SFMBT1: variants seen among roughly 807,000 people sequenced by gnomAD.
SFMBT1 encodes Scm like with four mbt domains 1.
In SFMBT1, 32 loss-of-function variants were observed where a neutral mutation model predicts 108.7. The observed-to-expected ratio is 0.29, with a 90% CI of 0.22 to 0.40. SFMBT1 has a LOEUF of 0.40. Ranked by LOEUF, SFMBT1 falls within the 10% of genes least tolerant of loss-of-function variation. The pLI is 1.00. For missense variants in SFMBT1, 816 were observed against 1,059.6 expected (o/e 0.77, Z 3.19); for synonymous variants, 348 against 369.5 (o/e 0.94, Z 0.67).
intron 6 of SFMBT1, among the ~76,000 whole-genome samples, chr3:52,931,646 A>C (rs780612927): frequency 7.2e-5 from 11 of 151,966 alleles, no homozygotes; most frequent in Non-Finnish European, 1.6e-4. Flanking sequence ...TCGAGACCAG[A>C]CTGGCCAACA....
chr3:52,972,089 T>C (rs752665820), intron 1 of SFMBT1, among the ~76,000 whole-genome samples: 15 of 152,254 alleles, frequency 9.9e-5, no homozygotes, highest in Non-Finnish European at 1.5e-4. Flanking sequence ...ATGGTTTTGA[T>C]AGAACGAAGT....
intron 1 of SFMBT1, among the ~76,000 whole-genome samples, chr3:53,018,507 A>C (rs751454316): frequency 2.0e-5 from 3 of 152,202 alleles, no homozygotes; most frequent in Non-Finnish European, 4.4e-5. Flanking sequence ...CCATAAGATC[A>C]GCACACAAAC....
chr3:52,962,451 A>T (rs1172105865), intron 2 of SFMBT1, among the ~76,000 whole-genome samples: 4 of 152,164 alleles, frequency 2.6e-5, no homozygotes, highest in African/African-American at 4.8e-5. Flanking sequence ...TCCAAAATAT[A>T]CTGTTAAGAG....
chr3:52,987,479 C>T (rs1001502667), intron 1 of SFMBT1, among the ~76,000 whole-genome samples: 1 of 152,134 alleles, frequency 6.6e-6, no homozygotes, highest in Non-Finnish European at 1.5e-5. Context: ...ATGGGACCAC[C>T]GTCATATATA....
At chr3:53,036,393 A>G (rs1699870833) in intron 1 of SFMBT1, among the ~76,000 whole-genome samples, 1 of 152,276 alleles carries the variant, frequency 6.6e-6, no homozygotes, top group South Asian at 2.1e-4. Flanking sequence ...CCAAGGAGTC[A>G]GAACTGTACG....
chr3:52,943,809 A>G (rs545827521), intron 3 of SFMBT1, among the ~76,000 whole-genome samples: 5 of 152,344 alleles, frequency 3.3e-5, no homozygotes, highest in East Asian at 3.9e-4. Context: ...AAGGAACTCA[A>G]TATTTTCACC....
At chr3:52,942,598 C>T (rs900041128) in intron 4 of SFMBT1, among the ~76,000 whole-genome samples, 5 of 152,144 alleles carry the variant, frequency 3.3e-5, no homozygotes, top group South Asian at 4.1e-4. Flanking sequence ...ATGCAACGGC[C>T]GCCTCCTGGG....
chr3:52,907,452 C>A, intron 18 of SFMBT1, 103 bp downstream of exon 18: 1 of 1,520,154 alleles, frequency 6.6e-7, no homozygotes, highest in South Asian at 1.3e-5. Flanking sequence ...CTTCTATTGG[C>A]CAGAGATCTG....
At chr3:52,921,108 AT>A (rs377341378) in intron 11 of SFMBT1, among the ~76,000 whole-genome samples, 4 of 152,254 alleles carry the variant, frequency 2.6e-5, no homozygotes, top group Non-Finnish European at 2.9e-5. Flanking sequence ...CAAGGATTGC[AT>A]AAAAGTCTAC....
chr3:53,037,181 G>C (rs1221894315), intron 1 of SFMBT1, among the ~76,000 whole-genome samples: 1 of 152,288 alleles, frequency 6.6e-6, no homozygotes, highest in South Asian at 2.1e-4. Context: ...GACTGGCTGC[G>C]GGATCATGCA....
In SFMBT1 at chr3:53,001,044, A is replaced by G. The variant is rs184140817; in HGVS notation, c.-130-31786T>C. 3.9e-4 allele frequency among the ~76,000 whole-genome samples: 59 copies of G among 150,300 alleles called. 6 individuals carry two copies. Among genetic ancestry groups the G allele is most frequent in the Middle Eastern group, 3.4e-3 (1 of 290 alleles). ...GGATGTTCATCTCACTGTTTAGTCT[A>G]CTTTTATATATGTTTGACATTCTCC... On this transcript the variant is annotated intron_variant, in intron 1 of 20. Coordinates refer to ENST00000394752, the MANE Select transcript of SFMBT1 (RefSeq NM_016329.4).
chr3:53,041,692 C>A (rs1232011579), intron 1 of SFMBT1, among the ~76,000 whole-genome samples: 5 of 58,104 alleles, frequency 8.6e-5, no homozygotes, highest in African/African-American at 3.5e-4. Flanking sequence ...GAGTAAAAGT[C>A]TGTCTCAAAA....
At chr3:53,012,046 G>A (rs1160551592) in intron 1 of SFMBT1, among the ~76,000 whole-genome samples, 1 of 152,184 alleles carries the variant, frequency 6.6e-6, no homozygotes, top group Non-Finnish European at 1.5e-5. Flanking sequence ...GCCACTACAT[G>A]AGCCACTTTG....
At chr3:52,927,041 A>C (rs1016625065) in intron 9 of SFMBT1, among the ~76,000 whole-genome samples, 4 of 152,206 alleles carry the variant, frequency 2.6e-5, no homozygotes, top group Admixed American at 1.3e-4. Flanking sequence ...CAACACTGAA[A>C]GCTTCAGTAT....
At chr3:52,960,635 C>CTA (rs1703930006) in intron 2 of SFMBT1, among the ~76,000 whole-genome samples, 2 of 151,692 alleles carry the variant, frequency 1.3e-5, no homozygotes, top group Non-Finnish European at 2.9e-5. Context: ...ATCTATCTAT[C>CTA]TCTCTATCTA....
At chr3:52,943,133 T>G (rs1575390831) in intron 4 of SFMBT1, among the ~76,000 whole-genome samples, 2 of 152,344 alleles carry the variant, frequency 1.3e-5, no homozygotes, top group East Asian at 3.9e-4. Context: ...GTGTTCCCTA[T>G]GAGCATCATA....
At chr3:52,908,595 G>A (rs1024873006) in intron 17 of SFMBT1, among the ~76,000 whole-genome samples, 2 of 151,768 alleles carry the variant, frequency 1.3e-5, no homozygotes, top group African/African-American at 4.8e-5. Context: ...ATTTTTTTGA[G>A]ACAGAGTCTG....
At chr3:52,944,052 G>A (rs1295161762) in intron 3 of SFMBT1, among the ~76,000 whole-genome samples, 1 of 152,100 alleles carries the variant, frequency 6.6e-6, no homozygotes, top group Non-Finnish European at 1.5e-5. Flanking sequence ...AAAAGTCTAT[G>A]TTTCCACCAA....
At chr3:52,956,796 A>C (rs914146070) in intron 2 of SFMBT1, among the ~76,000 whole-genome samples, 1 of 152,166 alleles carries the variant, frequency 6.6e-6, no homozygotes. Context: ...AAAAACTCTC[A>C]ATAAACTAGG....
Sources: allele counts gnomAD v4.1 joint callset (sites outside exome capture counted in the v4.1 genomes callset), GRCh38; gene constraint gnomAD v4.1.1; transcripts MANE v1.5; gene names NCBI Gene and HGNC (gene_info 2026-07-23, HGNC 2026-07-21).